CAMTA1: variants seen among roughly 807,000 people sequenced by gnomAD.
The protein encoded by CAMTA1 is calmodulin binding transcription activator 1.
Under a neutral mutation model 170.9 loss-of-function variants are expected in CAMTA1, and 27 were observed. That is an observed-to-expected ratio of 0.16 (90% confidence interval 0.12 to 0.22). CAMTA1 has a LOEUF of 0.22. Ranked by LOEUF, CAMTA1 falls within the 10% of genes least tolerant of loss-of-function variation. The pLI, the probability that CAMTA1 is intolerant of heterozygous loss-of-function variation, is 1.00. For missense variants in CAMTA1, 1,619 were observed against 2,217.2 expected, an observed-to-expected ratio of 0.73 and a Z score of 5.42; for synonymous variants, 833 against 891.5, an observed-to-expected ratio of 0.93 and a Z score of 1.17.
At chr1:7,440,519 G>A (rs748099519) in intron 5 of CAMTA1, among the ~76,000 whole-genome samples, 5 of 152,220 alleles carry the variant, frequency 3.3e-5, no homozygotes, top group Admixed American at 2.6e-4. Context: ...TTTAATAATC[G>A]GTTTCCAAAA....
intron 6 of CAMTA1, among the ~76,000 whole-genome samples, chr1:7,492,926 AAC>A (rs1053341193): frequency 1.7e-4 from 22 of 127,614 alleles, no homozygotes; most frequent in African/African-American, 3.6e-4. Flanking sequence ...CAAACCTGCA[AAC>A]ACACACGCAC....
chr1:6,982,568 G>A (rs549613580), intron 3 of CAMTA1, among the ~76,000 whole-genome samples: 144 of 152,292 alleles, frequency 9.5e-4, no homozygotes, highest in African/African-American at 3.2e-3. Context: ...ACCCTCGGGA[G>A]GCCCTTAGCT....
chr1:7,211,922 A>C (rs1234471053), intron 4 of CAMTA1, among the ~76,000 whole-genome samples: 1 of 152,206 alleles, frequency 6.6e-6, no homozygotes, highest in Non-Finnish European at 1.5e-5. Context: ...ATTCTAGTCC[A>C]ACATCACAGG....
rs1666194492 is a variant in CAMTA1, at chr1:7,248,662, GACC to G, written c.303-825_303-823del. ...GTTTCCAAACCCAAATATGTGACCT[GACC>G]ACCGCATCTGCAGATATGCACGTCA... On this transcript the variant is annotated intron_variant, in intron 4 of 22. Coordinates refer to ENST00000303635, the MANE Select transcript of CAMTA1 (RefSeq NM_015215.4). This position sits in a 1 kb window ranked among gnomAD's most constrained non-coding sequence, Gnocchi z 4.0. 6.6e-6 allele frequency among the ~76,000 whole-genome samples: 1 copy of G among 152,008 alleles called. No homozygotes were observed. The highest frequency in any genetic ancestry group is 2.4e-5 in the African/African-American group (1 of 41,388).
At chr1:6,926,490 CTCTCTCT>C (rs1557838426) in intron 3 of CAMTA1, among the ~76,000 whole-genome samples, 6 of 88,616 alleles carry the variant, frequency 6.8e-5, no homozygotes, top group African/African-American at 2.4e-4. Flanking sequence ...CTTTCTTTCT[CTCTCTCT>C]TTTCTTCCTT....
intron 5 of CAMTA1, among the ~76,000 whole-genome samples, chr1:7,337,104 G>A (rs1475851215): frequency 6.6e-6 from 1 of 152,208 alleles, no homozygotes; most frequent in African/African-American, 2.4e-5. Context: ...AGTTGCTTAG[G>A]CAGATTACGG....
chr1:7,217,353 T>C (rs1276165474), intron 4 of CAMTA1, among the ~76,000 whole-genome samples: 2 of 152,228 alleles, frequency 1.3e-5, no homozygotes, highest in African/African-American at 2.4e-5. Flanking sequence ...TCTTTCCTTT[T>C]ATAAATTACC....
At chr1:7,469,581 A>G (rs1325317805) in intron 6 of CAMTA1, among the ~76,000 whole-genome samples, 1 of 151,940 alleles carries the variant, frequency 6.6e-6, no homozygotes, top group African/African-American at 2.4e-5. Flanking sequence ...TGGTCAGAAC[A>G]CCTCTTTGGC....
intron 4 of CAMTA1, among the ~76,000 whole-genome samples, chr1:7,102,933 C>T (rs903858631): frequency 1.3e-5 from 2 of 152,142 alleles, no homozygotes; most frequent in South Asian, 4.1e-4. Flanking sequence ...GAATACCTTC[C>T]GACTGCTTCC....
chr1:7,060,837 A>G (rs1708094888), intron 3 of CAMTA1, among the ~76,000 whole-genome samples: 1 of 152,202 alleles, frequency 6.6e-6, no homozygotes, highest in Non-Finnish European at 1.5e-5. Flanking sequence ...GGAGCACGGA[A>G]AGCGTTGCCA....
At chr1:7,384,797 C>T (rs1030959257) in intron 5 of CAMTA1, among the ~76,000 whole-genome samples, 23 of 152,240 alleles carry the variant, frequency 1.5e-4, no homozygotes, top group African/African-American at 5.5e-4. Flanking sequence ...AGATGAGTTC[C>T]TGGCAAGGAC....
chr1:7,524,792 C>T (rs188952743), intron 6 of CAMTA1, among the ~76,000 whole-genome samples: 52 of 152,142 alleles, frequency 3.4e-4, no homozygotes, highest in African/African-American at 1.2e-3. Flanking sequence ...CTGGAGGGCC[C>T]GGTGGGTAAG....
At chr1:7,360,684 C>G (rs1305789259) in intron 5 of CAMTA1, among the ~76,000 whole-genome samples, 1 of 152,176 alleles carries the variant, frequency 6.6e-6, no homozygotes, top group African/African-American at 2.4e-5. Flanking sequence ...TTCTTTTCAC[C>G]CTGTCCCTCT....
At chr1:7,737,601 C>T in intron 15 of CAMTA1, 31 bp downstream of exon 15, 12 of 1,560,778 alleles carry the variant, frequency 7.7e-6, no homozygotes, top group Non-Finnish European at 1.0e-5. Context: ...CATCTCAGAG[C>T]TTGACAGAGA....
intron 5 of CAMTA1, among the ~76,000 whole-genome samples, chr1:7,360,417 C>T (rs1465954061): frequency 6.6e-6 from 1 of 152,178 alleles, no homozygotes; most frequent in Non-Finnish European, 1.5e-5. Flanking sequence ...ATGGTCTTTG[C>T]ACTCTTGTGA....
rs565330389 is a variant in CAMTA1 at position 7,665,070 on chromosome 1, C to T, written c.2523C>T (p.Ser841=). 26 of 1,563,268 alleles carry T rather than the reference C, an allele frequency of 1.7e-5. No individual in the cohort carries two copies. In the South Asian group the frequency reaches 2.9e-4, roughly 17 times the overall value. ...LQLSSSEGGA[S]TMAYMHVAEV... ...TGAGCAGCTCGGAGGGCGGGGCCAG[C>T]ACCATGGCCTACATGCACGTCGCCG... Residue 841 remains serine, a synonymous_variant, in exon 9 of 23, where the codon AGC becomes AGT. Coordinates refer to ENST00000303635, the MANE Select transcript of CAMTA1 (RefSeq NM_015215.4). This position sits in a 1 kb window ranked among gnomAD's most constrained non-coding sequence, Gnocchi z 4.3.
chr1:7,175,300 A>G (rs1171382474), intron 4 of CAMTA1, among the ~76,000 whole-genome samples: 2 of 152,204 alleles, frequency 1.3e-5, no homozygotes, highest in Non-Finnish European at 1.5e-5. Context: ...AGACAGATGC[A>G]TGTCAATAAC....
chr1:7,062,637 C>A (rs540843134), intron 3 of CAMTA1, among the ~76,000 whole-genome samples: 1 of 133,458 alleles, frequency 7.5e-6, no homozygotes, highest in African/African-American at 3.1e-5. Context: ...CTGCAGAAGA[C>A]GGAGGGTTGC....
chr1:7,372,428 A>G (rs766234885), intron 5 of CAMTA1, among the ~76,000 whole-genome samples: 12 of 152,146 alleles, frequency 7.9e-5, no homozygotes, highest in Non-Finnish European at 1.8e-4. Flanking sequence ...TTCTTTTTCA[A>G]AAGCTCAAAA....
Sources: allele counts gnomAD v4.1 joint callset (sites outside exome capture counted in the v4.1 genomes callset), GRCh38; gene constraint gnomAD v4.1.1; non-coding constraint Gnocchi (gnomAD v3.1); transcripts MANE v1.5; gene names NCBI Gene and HGNC (gene_info 2026-07-23, HGNC 2026-07-21).